Variants in ADAMTS20 observed in about 807,000 individuals in gnomAD.
ADAMTS20 encodes A disintegrin and metalloproteinase with thrombospondin motifs 20.
ADAMTS20 carries 225 observed loss-of-function variants against 260.1 expected under a neutral mutation model. The ratio of observed to expected loss-of-function variants is 0.87; its 90% CI spans 0.78 to 0.97. The LOEUF is 0.97. ADAMTS20 is among the 50% of genes least tolerant of loss of function. The pLI, the probability that ADAMTS20 is intolerant of heterozygous loss-of-function variation, is 0.00. For synonymous variants in ADAMTS20, 802 were observed against 769.5 expected (o/e 1.04, Z -0.70); for missense variants, 2,400 against 2,337.7 (o/e 1.03, Z -0.55).
Position 43,428,420 on chromosome 12 carries a change from G to C in ADAMTS20, c.3766C>G (p.Gln1256Glu), listed in dbSNP as rs747943822. The change falls in exon 26 of 39, where the codon CAG (glutamine) becomes GAG (glutamate). Residue 1256 changes from glutamine to glutamate, a missense_variant. Transcript: ENST00000389420. ...CDPEVRPLME[Q>E]ECSLAACPPA... ...GGGCAGGCTGCCAGGCTACATTCCTGTTCCATCAAAGGGCGAACTTCAGGA... is the reference window on the plus strand; with the variant it reads ...GGGCAGGCTGCCAGGCTACATTCCTCTTCCATCAAAGGGCGAACTTCAGGA... 2 of 1,613,876 alleles carry C rather than the reference G, an allele frequency of 1.2e-6. No individual in the cohort carries two copies. The highest frequency in any genetic ancestry group is 1.1e-5 in the South Asian group (1 of 91,078).
intron 4 of ADAMTS20, among the ~76,000 whole-genome samples, chr12:43,494,278 C>A (rs1942646396): frequency 6.6e-6 from 1 of 152,130 alleles, no homozygotes; most frequent in South Asian, 2.1e-4. Context: ...GCTAGAGAAG[C>A]AGATATAGAT....
chr12:43,471,138 G>C (rs1012158624), intron 7 of ADAMTS20, among the ~76,000 whole-genome samples: 3 of 152,034 alleles, frequency 2.0e-5, no homozygotes, highest in Admixed American at 6.5e-5. Context: ...CGCACCGTGC[G>C]AGAGCCGAAG....
chr12:43,439,538 C>T (rs1941618927), intron 18 of ADAMTS20, 84 bp downstream of exon 18: 3 of 1,496,594 alleles, frequency 2.0e-6, no homozygotes, highest in Admixed American at 4.4e-5. Context: ...GGGAGGATTC[C>T]ATAGGCAGCC....
At chr12:43,362,742 G>T (rs538598563) in intron 37 of ADAMTS20, among the ~76,000 whole-genome samples, 1 of 150,810 alleles carries the variant, frequency 6.6e-6, no homozygotes, top group East Asian at 2.0e-4. Flanking sequence ...TTTTCTTCTT[G>T]ATTTCACCAC....
chr12:43,528,324 A>C (rs1943170244), intron 3 of ADAMTS20, among the ~76,000 whole-genome samples: 1 of 135,540 alleles, frequency 7.4e-6, no homozygotes, highest in African/African-American at 2.7e-5. Flanking sequence ...TAAAAAGGAG[A>C]CCAACAGCCA....
intron 3 of ADAMTS20, among the ~76,000 whole-genome samples, chr12:43,524,878 A>T (rs1268947035): frequency 6.6e-6 from 1 of 152,218 alleles, no homozygotes; most frequent in Non-Finnish European, 1.5e-5. Context: ...CAAGTCTGGG[A>T]TTAGGTAAAA....
intron 4 of ADAMTS20, among the ~76,000 whole-genome samples, chr12:43,501,501 A>ACACACACACACACACACACACACC (rs1942766246): frequency 8.6e-6 from 1 of 116,220 alleles, no homozygotes; most frequent in Non-Finnish European, 1.7e-5. Flanking sequence ...ACACACACAC[A>ACACACACACACACACACACACACC]CATGTAAGGA....
At chr12:43,526,194 C>T (rs116880909) in intron 3 of ADAMTS20, among the ~76,000 whole-genome samples, 3,616 of 152,310 alleles carry the variant, frequency 0.024, 67 homozygotes, top group East Asian at 0.08. Context: ...CAGTGGCTCA[C>T]GCCTGTAATC....
intron 6 of ADAMTS20, among the ~76,000 whole-genome samples, chr12:43,491,010 A>G (rs1331771449): frequency 6.6e-6 from 1 of 152,076 alleles, no homozygotes; most frequent in East Asian, 1.9e-4. Context: ...ATATAACATA[A>G]TACTATGTAT....
intron 14 of ADAMTS20, 28 bp from the exon 15 acceptor site, chr12:43,446,740 A>G (rs775831663): frequency 1.3e-6 from 2 of 1,544,720 alleles, no homozygotes; most frequent in African/African-American, 1.4e-5. Context: ...AATCAATATT[A>G]TAAGAATGAC....
At chr12:43,476,859 G>C (rs953514243) in intron 7 of ADAMTS20, among the ~76,000 whole-genome samples, 1 of 150,982 alleles carries the variant, frequency 6.6e-6, no homozygotes, top group East Asian at 2.0e-4. Context: ...GTGGGTGGAG[G>C]GGGGAGGGAT....
rs1177167533 is a variant in ADAMTS20 at position 43,432,750 on chromosome 12, C to T, written c.2782G>A (p.Asp928Asn). ...SQCGQGYRTL[D>N]IHCMKYSIHE... ...ATGGAATACTTCATGCAATGGATGT[C>T]CAAGGTTCTATATCCTTGACCACAT... The change falls in exon 20 of 39, where the codon GAC becomes AAC. Residue 928 changes from aspartate (D) to asparagine (N), a missense_variant. By Grantham distance (23) the Asp-to-Asn change is conservative (BLOSUM62 1). Transcript: ENST00000389420. 6.2e-7 allele frequency: 1 copy of T among 1,613,908 alleles called. No homozygotes were observed. Among genetic ancestry groups the T allele is most frequent in the East Asian group, 2.2e-5 (1 of 44,870 alleles).
Position 43,551,018 on chromosome 12 carries a change from C to T in ADAMTS20, c.344G>A (p.Gly115Glu). ...GGGCCCTGCGTCGCTCTCCCAGGCC[C>T]CGCGCTCCGGGGTTCCCAAGTGCAC... ...TEVHLGTPER[G>E]AWESDAGPSD... The change falls in exon 2 of 39, where the codon GGG becomes GAG. Residue 115 changes from glycine (G) to glutamate (E), a missense_variant. By Grantham distance (98) the Gly-to-Glu change is moderately conservative (BLOSUM62 -2). Transcript: ENST00000389420. The surrounding 1 kb of genome is among the most constrained non-coding windows in gnomAD (Gnocchi z 4.6). 1.2e-6 allele frequency: 2 copies of T among 1,613,770 alleles called. No individual in the cohort carries two copies. The highest frequency in any genetic ancestry group is 1.7e-5 in the Admixed American group (1 of 59,998).
At chr12:43,430,821 T>C (rs939760447) in intron 22 of ADAMTS20, among the ~76,000 whole-genome samples, 3 of 152,196 alleles carry the variant, frequency 2.0e-5, no homozygotes, top group Admixed American at 1.3e-4. Context: ...TCATTTAATA[T>C]ACTAAGTAAA....
chr12:43,430,406 A>G lies in ADAMTS20; in HGVS notation c.3327T>C (p.Ser1109=). Residue 1109 remains serine, a synonymous_variant, in exon 23 of 39, where the codon AGT becomes AGC. Coordinates refer to ENST00000389420, the MANE Select transcript of ADAMTS20 (RefSeq NM_025003.5). Reference sequence around the variant, plus strand: ...GGCATTCTGTGTCCTCTAACACTGCACTAGCTAGCTCATTGACACATTTAA... The same window carrying G: ...GGCATTCTGTGTCCTCTAACACTGCGCTAGCTAGCTCATTGACACATTTAA... ...RDVKCVNELA[S]AVLEDTECHE... The G allele has an allele frequency of 6.2e-7, 1 of 1,613,330 alleles. No homozygotes were observed. Among genetic ancestry groups the G allele is most frequent in the South Asian group, 1.1e-5 (1 of 91,012 alleles).
At chr12:43,354,858 C>A (rs775220244) in intron 38 of ADAMTS20, among the ~76,000 whole-genome samples, 1 of 152,062 alleles carries the variant, frequency 6.6e-6, no homozygotes, top group Non-Finnish European at 1.5e-5. Context: ...GGGCTGAAAG[C>A]AATCATTAGA....
intron 28 of ADAMTS20, among the ~76,000 whole-genome samples, chr12:43,410,870 T>C (rs545515877): frequency 6.6e-6 from 1 of 152,194 alleles, no homozygotes; most frequent in East Asian, 1.9e-4. Context: ...TGGGCTATAT[T>C]GTATTATGTA....
chr12:43,481,706 G>C (rs1379570688), intron 7 of ADAMTS20, among the ~76,000 whole-genome samples: 1 of 152,144 alleles, frequency 6.6e-6, no homozygotes, highest in South Asian at 2.1e-4. Context: ...TTTAACAATA[G>C]AAAATAAAAG....
chr12:43,383,637 G>A lies in ADAMTS20; in HGVS notation c.4718C>T (p.Ser1573Phe). 1 of 1,613,820 alleles carries A rather than the reference G, an allele frequency of 6.2e-7. No individual in the cohort carries two copies. Among genetic ancestry groups the A allele is most frequent in the Admixed American group, 1.7e-5 (1 of 59,978 alleles). Reference protein sequence around the residue: ...IRQVNEIVYNSSTISLTSKNC... With the variant: ...IRQVNEIVYNFSTISLTSKNC... The stretch of plus-strand genomic sequence containing the variant: ...CTTGGATGTAAGAGATATGGTTGAA[G>A]AATTATAGACTATTTCATTCACTTG... Residue 1573 changes from serine (S) to phenylalanine (F), a missense_variant, in exon 31 of 39, where the codon TCT (serine) becomes TTT (phenylalanine). By Grantham distance (155) the Ser-to-Phe change is radical. Transcript: ENST00000389420.
Sources: gnomAD v4.1 joint callset for allele counts (sites outside exome capture counted in the v4.1 genomes callset) on GRCh38, gnomAD v4.1.1 for gene constraint, Gnocchi (gnomAD v3.1) non-coding constraint, MANE v1.5 for transcripts, NCBI Gene and HGNC (gene_info 2026-07-23, HGNC 2026-07-21) for gene names.